Variants in SPAG6 observed in about 807,000 individuals in gnomAD.
The protein encoded by SPAG6 is sperm associated antigen 6.
A neutral mutation model predicts 58.5 loss-of-function variants in SPAG6; 49 were observed. The ratio of observed to expected loss-of-function variants is 0.84; its 90% CI spans 0.67 to 1.06. The LOEUF is 1.06. Among genes scored for constraint, SPAG6 ranks in the 50% least tolerant of loss-of-function variants. The probability of loss-of-function intolerance (pLI) is 0.00; values close to 1 mark genes in which losing one functional copy is unlikely to be tolerated. For missense variants in SPAG6, 560 were observed against 611.3 expected, an observed-to-expected ratio of 0.92 and a Z score of 0.89; for synonymous variants, 233 against 225.6, an observed-to-expected ratio of 1.03 and a Z score of -0.29.
chr10:22,408,964 C>T (rs566683632), intron 9 of SPAG6, among the ~76,000 whole-genome samples: 2 of 152,338 alleles, frequency 1.3e-5, no homozygotes, highest in South Asian at 2.1e-4. Flanking sequence ...TTGCGCTTCC[C>T]GAGTGAGGCA....
chr10:22,358,155 G>A (rs1429003880), intron 2 of SPAG6, among the ~76,000 whole-genome samples: 7 of 152,026 alleles, frequency 4.6e-5, no homozygotes, highest in South Asian at 4.1e-4. Flanking sequence ...CTGAGGAATC[G>A]CCACACTGAC....
chr10:22,363,541 G>A (rs1042695209), intron 2 of SPAG6, among the ~76,000 whole-genome samples: 1 of 152,138 alleles, frequency 6.6e-6, no homozygotes, highest in African/African-American at 2.4e-5. Flanking sequence ...CGAAACTAAT[G>A]ACTAAGTAAA....
At chr10:22,394,664 C>G (rs2132092711) in intron 8 of SPAG6, among the ~76,000 whole-genome samples, 1 of 152,308 alleles carries the variant, frequency 6.6e-6, no homozygotes, top group Non-Finnish European at 1.5e-5. Flanking sequence ...CTTTCTGTCT[C>G]TATGGATTTG....
At chr10:22,353,843 C>T (rs76278927) in intron 2 of SPAG6, among the ~76,000 whole-genome samples, 6,928 of 152,270 alleles carry the variant, frequency 0.045, 202 homozygotes, top group Middle Eastern at 0.14. Flanking sequence ...TATATAATCA[C>T]ACAGATACTG....
intron 2 of SPAG6, among the ~76,000 whole-genome samples, chr10:22,363,684 C>T (rs113882685): frequency 1.2e-4 from 18 of 152,258 alleles, no homozygotes; most frequent in African/African-American, 3.9e-4. Flanking sequence ...AATGGCTTCT[C>T]GACCTTTGGC....
chr10:22,403,379 G>A (rs1392838002), intron 9 of SPAG6, among the ~76,000 whole-genome samples: 2 of 151,916 alleles, frequency 1.3e-5, no homozygotes, highest in Admixed American at 6.6e-5. Flanking sequence ...GTGAGAATAT[G>A]CGGTGTTTGG....
intron 2 of SPAG6, chr10:22,360,918 C>A: frequency 1.0e-6 from 1 of 970,180 alleles, no homozygotes; most frequent in Non-Finnish European, 1.6e-6. Context: ...CTTCCATTGT[C>A]ACCATTTTTA....
chr10:22,362,168 A>G (rs1308304345), intron 2 of SPAG6, among the ~76,000 whole-genome samples: 1 of 146,024 alleles, frequency 6.8e-6, no homozygotes, highest in Non-Finnish European at 1.5e-5. Context: ...TTTTATATAA[A>G]TATATAAAAA....
chr10:22,411,838 ATCT>A (rs1834743547), intron 10 of SPAG6, among the ~76,000 whole-genome samples: 2 of 132,786 alleles, frequency 1.5e-5, no homozygotes, highest in African/African-American at 6.9e-5. Context: ...AAACAACTGA[ATCT>A]TTTTTTTTTT....
intron 4 of SPAG6, among the ~76,000 whole-genome samples, chr10:22,375,127 A>G (rs986118178): frequency 4.6e-5 from 7 of 152,230 alleles, no homozygotes; most frequent in Non-Finnish European, 1.0e-4. Flanking sequence ...TGAACAATGC[A>G]CCATGACATG....
intron 9 of SPAG6, among the ~76,000 whole-genome samples, chr10:22,410,436 T>C (rs1383281209): frequency 2.0e-5 from 3 of 152,208 alleles, no homozygotes; most frequent in African/African-American, 7.2e-5. Context: ...AGGACTCAAC[T>C]CATCCTGGGA....
rs570802538 is a variant in SPAG6 at position 22,395,666 on chromosome 10, A to G, written c.1197+3746A>G. On this transcript the variant is annotated intron_variant, in intron 8 of 10. Coordinates refer to ENST00000376624, the MANE Select transcript of SPAG6 (RefSeq NM_012443.4). ...GTATGATTTACAAGTATTTTCTCACATTCTGTGGGTTATCTTATTTTCTTG... is the reference window on the plus strand; with the variant it reads ...GTATGATTTACAAGTATTTTCTCACGTTCTGTGGGTTATCTTATTTTCTTG... 5.3e-5 allele frequency among the ~76,000 whole-genome samples: 8 copies of G among 152,282 alleles called. No individual in the cohort carries two copies. In the South Asian group the frequency reaches 1.7e-3, roughly 32 times the overall value.
intron 9 of SPAG6, among the ~76,000 whole-genome samples, chr10:22,405,050 G>A (rs1022967928): frequency 6.6e-6 from 1 of 152,164 alleles, no homozygotes; most frequent in African/African-American, 2.4e-5. Context: ...AGACAATGGG[G>A]TTTTCTAGAT....
chr10:22,403,298 C>A (rs1057036352), intron 9 of SPAG6, among the ~76,000 whole-genome samples: 6 of 152,090 alleles, frequency 3.9e-5, no homozygotes. Flanking sequence ...CCCCATCCCA[C>A]AACAGTCCCC....
At chr10:22,400,950 G>A (rs1834396805) in intron 8 of SPAG6, among the ~76,000 whole-genome samples, 1 of 151,872 alleles carries the variant, frequency 6.6e-6, no homozygotes, top group Non-Finnish European at 1.5e-5. Flanking sequence ...TACATTTTAA[G>A]GCTTAACACA....
Position 22,365,038 on chromosome 10 carries a change from T to G in SPAG6, c.288+19T>G. 7 of 1,544,394 alleles carry G rather than the reference T, an allele frequency of 4.5e-6. No individual in the cohort carries two copies. The South Asian group carries it at 8.4e-5, about 19-fold the overall frequency. On this transcript the variant is annotated intron_variant, in intron 3 of 10. Transcript: ENST00000376624. ...ACAGAATGTAAGAATTAAAAAAAAC[T>G]AGTTATATGTTTTTTTGTTTTAGAT...
intron 2 of SPAG6, chr10:22,359,436 C>G (rs901212504): frequency 4.6e-5 from 10 of 219,020 alleles, no homozygotes; most frequent in Non-Finnish European, 6.2e-5. Flanking sequence ...CTCTGTCACC[C>G]AGGCTGGAGT....
chr10:22,352,191 A>G (rs1418603328), intron 2 of SPAG6, among the ~76,000 whole-genome samples: 3 of 151,400 alleles, frequency 2.0e-5, no homozygotes, highest in African/African-American at 7.3e-5. Context: ...AAAACAAGTG[A>G]TATGTGTGTG....
chr10:22,404,826 TA>T (rs1290785473), intron 9 of SPAG6, among the ~76,000 whole-genome samples: 6 of 152,182 alleles, frequency 3.9e-5, no homozygotes, highest in African/African-American at 1.4e-4. Flanking sequence ...CAGTGGTTTG[TA>T]GTTCTCCTTG....
Sources: allele counts gnomAD v4.1 joint callset (sites outside exome capture counted in the v4.1 genomes callset), GRCh38; gene constraint gnomAD v4.1.1; transcripts MANE v1.5; gene names NCBI Gene and HGNC (gene_info 2026-07-23, HGNC 2026-07-21).